SYNE2: variants seen among roughly 807,000 people sequenced by gnomAD.
The protein encoded by SYNE2 is spectrin repeat containing nuclear envelope protein 2.
Under a neutral mutation model 856.3 loss-of-function variants are expected in SYNE2, and 431 were observed. That is an observed-to-expected ratio of 0.50 (90% confidence interval 0.47 to 0.55). The LOEUF (loss-of-function observed/expected upper bound fraction) is 0.55, where lower values mean the gene tolerates loss of function less well. Ranked by LOEUF, SYNE2 falls within the 20% of genes least tolerant of loss-of-function variation. The pLI, the probability that SYNE2 is intolerant of heterozygous loss-of-function variation, is 0.00. For missense variants in SYNE2, 8,129 were observed against 8,023.2 expected (o/e 1.01, Z -0.50); for synonymous variants, 2,923 against 2,872.3 (o/e 1.02, Z -0.56).
At position 64,097,983 on chromosome 14, in the gene SYNE2, G is replaced by A. The variant is rs776323204; in HGVS notation, c.12143G>A (p.Ser4048Asn). ...GAACGTATGGAGAAACAGATTCTGA[G>A]TTTGAACCAGAGAAAAGAAGACCTG... ...EIERMEKQIL[S>N]LNQRKEDLLV... The change falls in exon 62 of 116, where the codon AGT (serine) becomes AAT (asparagine). Residue 4048 changes from serine (S) to asparagine (N), a missense_variant. Coordinates refer to ENST00000555002, the MANE Select transcript of SYNE2 (RefSeq NM_182914.3). 3 of 1,614,128 alleles carry A rather than the reference G, an allele frequency of 1.9e-6. No individual in the cohort carries two copies. Among genetic ancestry groups the A allele is most frequent in the East Asian group, 2.2e-5 (1 of 44,898 alleles).
intron 1 of SYNE2, among the ~76,000 whole-genome samples, chr14:63,899,176 G>GT (rs1408443408): frequency 1.3e-5 from 2 of 151,722 alleles, no homozygotes; most frequent in Non-Finnish European, 2.9e-5. Flanking sequence ...TGAATGTCAG[G>GT]TTTTTTAGCT....
intron 101 of SYNE2, 67 bp downstream of exon 101, chr14:64,209,012 C>G (rs2098625078): frequency 9.0e-6 from 14 of 1,547,600 alleles, no homozygotes; most frequent in Non-Finnish European, 1.1e-5. Flanking sequence ...CTTCTGACCT[C>G]ATTCACAGTA....
chr14:64,216,323 T>C lies in SYNE2; in HGVS notation c.19478T>C (p.Met6493Thr), dbSNP rs138514714. ...TGTCCCGAGCATCACTACAAGCAAA[T>C]GGAAGGTGACAGGAATGTTCCACCT... ...PSCPEHHYKQ[M>T]EGDRNVPPVP... The change falls in exon 108 of 116, where the codon ATG becomes ACG. Residue 6493 changes from methionine (M) to threonine (T), a missense_variant. Coordinates refer to ENST00000555002, the MANE Select transcript of SYNE2 (RefSeq NM_182914.3). 12 of 1,614,142 alleles carry C rather than the reference T, an allele frequency of 7.4e-6. No homozygotes were observed. The African/African-American group carries it at 1.5e-4, about 20-fold the overall frequency.
At chr14:63,938,987 C>T (rs888046298) in intron 2 of SYNE2, among the ~76,000 whole-genome samples, 2 of 152,112 alleles carry the variant, frequency 1.3e-5, no homozygotes, top group African/African-American at 4.8e-5. Flanking sequence ...TGAGTGTCTG[C>T]ATGTGTGCAT....
intron 2 of SYNE2, among the ~76,000 whole-genome samples, chr14:63,938,875 G>A (rs2095864288): frequency 6.6e-6 from 1 of 152,168 alleles, no homozygotes; most frequent in African/African-American, 2.4e-5. Context: ...GGGATATGCA[G>A]AGTCTTAACA....
chr14:63,800,077 T>C (rs1888073758), intron 1 of SYNE2, among the ~76,000 whole-genome samples: 1 of 152,172 alleles, frequency 6.6e-6, no homozygotes, highest in Non-Finnish European at 1.5e-5. Flanking sequence ...AAACTCTTAA[T>C]TTTCCTGTTA....
At chr14:64,074,547 C>T (rs2097441435) in intron 53 of SYNE2, among the ~76,000 whole-genome samples, 1 of 152,176 alleles carries the variant, frequency 6.6e-6, no homozygotes, top group Non-Finnish European at 1.5e-5. Flanking sequence ...AGAATCTCCT[C>T]TTTCATTCCA....
At chr14:64,152,492 T>C in intron 84 of SYNE2, 72 bp from the exon 85 acceptor site, 1 of 1,492,654 alleles carries the variant, frequency 6.7e-7, no homozygotes, top group Non-Finnish European at 9.3e-7. Context: ...AAGAGTGAAC[T>C]CCTGTCTCTG....
chr14:64,214,583 G>C, intron 106 of SYNE2, 113 bp downstream of exon 106: 1 of 1,069,800 alleles, frequency 9.3e-7, no homozygotes, highest in Non-Finnish European at 1.4e-6. Flanking sequence ...GGCCGACCCT[G>C]ACTTCTGTGG....
At chr14:63,884,105 C>T (rs1413980957) in intron 1 of SYNE2, among the ~76,000 whole-genome samples, 7 of 152,034 alleles carry the variant, frequency 4.6e-5, no homozygotes, top group Non-Finnish European at 1.5e-5. Context: ...GCCAGAGGGG[C>T]GCCCTAAGCT....
intron 99 of SYNE2, among the ~76,000 whole-genome samples, chr14:64,193,014 A>G (rs2098525173): frequency 6.6e-6 from 1 of 152,218 alleles, no homozygotes; most frequent in South Asian, 2.1e-4. Context: ...TCAGCCTTAC[A>G]TAGAATCAGC....
At chr14:64,092,547 A>T (rs1012945293) in intron 60 of SYNE2, among the ~76,000 whole-genome samples, 6 of 152,236 alleles carry the variant, frequency 3.9e-5, no homozygotes, top group African/African-American at 1.4e-4. Flanking sequence ...GGCTAAAATT[A>T]TAGTTAAATA....
chr14:64,042,217 G>A (rs1278258444), intron 45 of SYNE2, among the ~76,000 whole-genome samples: 2 of 152,132 alleles, frequency 1.3e-5, no homozygotes, highest in African/African-American at 4.8e-5. Flanking sequence ...AAAAAAACAA[G>A]TTATGACATG....
At chr14:64,022,067 T>C in intron 37 of SYNE2, 39 bp downstream of exon 37, 1 of 1,594,338 alleles carries the variant, frequency 6.3e-7, no homozygotes, top group Non-Finnish European at 8.6e-7. Context: ...TCTGGGACTC[T>C]TGAAGTATGA....
At chr14:63,907,413 TTAGAC>T (rs1426027779) in intron 1 of SYNE2, among the ~76,000 whole-genome samples, 4 of 152,206 alleles carry the variant, frequency 2.6e-5, no homozygotes, top group Non-Finnish European at 4.4e-5. Context: ...CTGTGTGTCC[TTAGAC>T]AATTGTGAAT....
At chr14:63,960,214 A>G (rs988312583) in intron 8 of SYNE2, among the ~76,000 whole-genome samples, 4 of 152,206 alleles carry the variant, frequency 2.6e-5, no homozygotes, top group Admixed American at 1.3e-4. Context: ...AATTCTTCCT[A>G]TATTGAGACC....
At chr14:64,054,604 C>A (rs376301832) in intron 48 of SYNE2, among the ~76,000 whole-genome samples, 8 of 152,056 alleles carry the variant, frequency 5.3e-5, no homozygotes, top group African/African-American at 1.9e-4. Context: ...ATAGCCATAC[C>A]CATTTGTTTT....
intron 8 of SYNE2, chr14:63,960,667 G>T (rs1689310453): frequency 3.0e-6 from 2 of 669,940 alleles, no homozygotes; most frequent in Non-Finnish European, 2.8e-6. Flanking sequence ...CTCCAAATTA[G>T]GTGTTCATTT....
At chr14:63,925,827 T>C (rs2095657689) in intron 2 of SYNE2, among the ~76,000 whole-genome samples, 1 of 152,180 alleles carries the variant, frequency 6.6e-6, no homozygotes, top group Non-Finnish European at 1.5e-5. Flanking sequence ...TCCATGTTGT[T>C]ACAAATGACA....
Sources: gnomAD v4.1 joint callset for allele counts (sites outside exome capture counted in the v4.1 genomes callset) on GRCh38, gnomAD v4.1.1 for gene constraint, MANE v1.5 for transcripts, NCBI Gene and HGNC (gene_info 2026-07-23, HGNC 2026-07-21) for gene names.